The following POU2AF3 variants were observed in gnomAD, a reference collection of about 807,000 sequenced individuals.
POU2AF3 encodes the protein cancer susceptibility candidate 13.
At chr11:111,306,570 C>T in the POU2AF3 span, 1 of 1,551,770 alleles carries the variant, frequency 6.4e-7, no homozygotes, top group East Asian at 2.4e-5. Flanking sequence ...AAGTGCTCCA[C>T]ACCATTTCCC....
chr11:111,305,670 A>T, the POU2AF3 span, among the ~76,000 whole-genome samples: 1 of 152,216 alleles, frequency 6.6e-6, no homozygotes, highest in Non-Finnish European at 1.5e-5. Flanking sequence ...CAGCATTTAC[A>T]GATAATTATC....
At chr11:111,300,206 G>C in the POU2AF3 span, 1 of 326,658 alleles carries the variant, frequency 3.1e-6, no homozygotes, top group Non-Finnish European at 5.5e-6. Flanking sequence ...AGAGTGGTGG[G>C]CTCCGCTGCA....
At chr11:111,299,161 G>C in the POU2AF3 span, 1 of 946,356 alleles carries the variant, frequency 1.1e-6, no homozygotes, top group Non-Finnish European at 1.3e-6. Flanking sequence ...TTCCTGGGGA[G>C]ACCCTAACTC....
chr11:111,298,826 G>GCGGGGGGCCC, the POU2AF3 span: 21 of 790,960 alleles, frequency 2.7e-5, no homozygotes, highest in Non-Finnish European at 3.6e-5. Context: ...CGTACCCCAG[G>GCGGGGGGCCC]CCCCCGCCCG....
chr11:111,307,296 A>G, the POU2AF3 span, among the ~76,000 whole-genome samples: 1 of 152,096 alleles, frequency 6.6e-6, no homozygotes, highest in African/African-American at 2.4e-5. Context: ...TGTCTTTTAG[A>G]GACTCACAGG....
chr11:111,304,441 A>C, the POU2AF3 span, among the ~76,000 whole-genome samples: 1 of 152,190 alleles, frequency 6.6e-6, no homozygotes, highest in Admixed American at 6.5e-5. Context: ...CTAAAAATTA[A>C]TCACTTTTAA....
chr11:111,302,468 C>T, the POU2AF3 span, among the ~76,000 whole-genome samples: 9 of 152,202 alleles, frequency 5.9e-5, no homozygotes, highest in African/African-American at 1.9e-4. Context: ...TGGAGAGCCC[C>T]ATGTGAGTGT....
chr11:111,306,627 A>AT, the POU2AF3 span: 1 of 1,549,152 alleles, frequency 6.5e-7, no homozygotes, highest in South Asian at 1.2e-5. Flanking sequence ...GAGCCTGGTA[A>AT]TTTTTCTCAG....
the POU2AF3 span, chr11:111,299,518 C>G: frequency 8.6e-7 from 1 of 1,166,564 alleles, no homozygotes; most frequent in Non-Finnish European, 1.1e-6. Context: ...CAGCGAACCC[C>G]TCTTGAGCGC....
chr11:111,306,701 C>T, the POU2AF3 span: 70 of 1,066,322 alleles, frequency 6.6e-5, no homozygotes, highest in East Asian at 1.3e-3. Flanking sequence ...TGCACCATCC[C>T]GTGGGAAATC....
chr11:111,303,896 A>AG, the POU2AF3 span, among the ~76,000 whole-genome samples: 7 of 152,024 alleles, frequency 4.6e-5, no homozygotes, highest in Admixed American at 2.6e-4. Flanking sequence ...GAAATTTAAA[A>AG]AAAAAAAAAA....
the POU2AF3 span, chr11:111,299,830 C>T: frequency 1.2e-6 from 1 of 831,658 alleles, no homozygotes; most frequent in Non-Finnish European, 1.6e-6. Context: ...GGAGAGCGGG[C>T]AGAAGGCAAA....
the POU2AF3 span, chr11:111,300,550 G>A: frequency 8.1e-7 from 1 of 1,232,002 alleles, no homozygotes; most frequent in Non-Finnish European, 1.0e-6. Context: ...GTATCAAGGT[G>A]TCCGAGTGAA....
chr11:111,298,825 G>GGCGGGGGGGGGC, the POU2AF3 span: 2 of 852,674 alleles, frequency 2.3e-6, no homozygotes, highest in Non-Finnish European at 3.1e-6. Flanking sequence ...GCGTACCCCA[G>GGCGGGGGGGGGC]GCCCCCGCCC....
the POU2AF3 span, chr11:111,298,737 C>A: frequency 1.8e-6 from 2 of 1,097,116 alleles, no homozygotes; most frequent in Non-Finnish European, 2.3e-6. Flanking sequence ...GGACGCGAGC[C>A]ACGCTGTGGC....
the POU2AF3 span, among the ~76,000 whole-genome samples, chr11:111,302,738 T>C: frequency 1.3e-5 from 2 of 152,224 alleles, no homozygotes; most frequent in Non-Finnish European, 2.9e-5. Context: ...CATCAGCCTA[T>C]GCCCTCGCAA....
the POU2AF3 span, chr11:111,304,820 T>C: frequency 1.2e-5 from 7 of 570,046 alleles, no homozygotes. Flanking sequence ...AGGAAGAATC[T>C]GGCTTACCTT....
the POU2AF3 span, among the ~76,000 whole-genome samples, chr11:111,305,910 C>T: frequency 6.6e-6 from 1 of 152,184 alleles, no homozygotes; most frequent in Non-Finnish European, 1.5e-5. Context: ...AAATTCTCTC[C>T]TCCAAACTTA....
the POU2AF3 span, chr11:111,300,125 C>T: frequency 2.4e-5 from 9 of 379,518 alleles, no homozygotes; most frequent in Admixed American, 1.4e-4. Flanking sequence ...AGGCCTGGCC[C>T]CTCCCCAGGT....
Sources: allele counts gnomAD v4.1 joint callset (sites outside exome capture counted in the v4.1 genomes callset), GRCh38; gene constraint gnomAD v4.1.1; transcripts MANE v1.5; gene names NCBI Gene and HGNC (gene_info 2026-07-23, HGNC 2026-07-21).